Variants in ZNF385A observed in about 807,000 individuals in gnomAD.
The protein encoded by ZNF385A is hematopoietic zinc finger protein.
Under a neutral mutation model 32.1 loss-of-function variants are expected in ZNF385A, and 14 were observed. The ratio of observed to expected loss-of-function variants is 0.44; its 90% confidence interval spans 0.29 to 0.68. The LOEUF is 0.68. Among genes scored for constraint, ZNF385A ranks in the 30% least tolerant of loss-of-function variants. The probability of loss-of-function intolerance (pLI) is 0.14; values close to 1 mark genes in which losing one functional copy is unlikely to be tolerated. For synonymous variants in ZNF385A, 197 were observed against 202.7 expected, an observed-to-expected ratio of 0.97 and a Z score of 0.24; for missense variants, 406 against 478.4, an observed-to-expected ratio of 0.85 and a Z score of 1.41.
chr12:54,371,201 T>G (rs1954531949), intron 4 of ZNF385A, 105 bp from the exon 5 acceptor site: 3 of 1,298,310 alleles, frequency 2.3e-6, no homozygotes, highest in African/African-American at 1.8e-5. Flanking sequence ...GGGAAGAGGG[T>G]GGGCACAGTG....
At chr12:54,371,922 T>C (rs1209660250) in intron 3 of ZNF385A, among the ~76,000 whole-genome samples, 1 of 152,210 alleles carries the variant, frequency 6.6e-6, no homozygotes, top group African/African-American at 2.4e-5. Flanking sequence ...CTTGGCTCAT[T>C]CTCCATTAGC....
At chr12:54,382,144 T>C (rs769441310) in intron 1 of ZNF385A, among the ~76,000 whole-genome samples, 4 of 151,692 alleles carry the variant, frequency 2.6e-5, no homozygotes, top group Non-Finnish European at 5.9e-5. Flanking sequence ...CTCGGCTCAC[T>C]GCAACCTCTG....
Position 54,378,301 on chromosome 12 carries a change from G to A in ZNF385A, c.88-2347C>T, listed in dbSNP as rs556524702. Among the ~76,000 whole-genome samples, 6 of 152,294 alleles carry A rather than the reference G, an allele frequency of 3.9e-5. No individual in the cohort carries two copies. In the South Asian group the frequency reaches 1.2e-3, roughly 32 times the overall value. ...GGTGACCTAGATGAGGGCTCCCTGG[G>A]GAGGGGTGAAAGCCAGCACCTCCCA... On this transcript the variant is annotated intron_variant, in intron 1 of 6. Transcript: ENST00000394313.
At chr12:54,378,452 C>T (rs764404387) in intron 1 of ZNF385A, among the ~76,000 whole-genome samples, 2 of 152,102 alleles carry the variant, frequency 1.3e-5, no homozygotes, top group Non-Finnish European at 2.9e-5. Flanking sequence ...CGCTCCCTGA[C>T]GCTGGGGCAA....
rs1954438521 is a variant in ZNF385A at position 54,370,135 on chromosome 12, GGT to G, written c.*119_*120del. ...CCTTTCCTGGAACCCCGTATCTCGG[GGT>G]GGGGGGGGGGAAGGAGAGATCATTT... On this transcript the variant is annotated 3_prime_UTR_variant, in exon 7 of 7. Coordinates refer to ENST00000394313, the MANE Select transcript of ZNF385A (RefSeq NM_015481.3). The surrounding 1 kb of genome is among the most constrained non-coding windows in gnomAD (Gnocchi z 5.5). The G allele has an allele frequency of 1.0e-5, 8 of 777,660 alleles. No individual in the cohort carries two copies. The highest frequency in any genetic ancestry group is 1.1e-5 in the Non-Finnish European group (6 of 546,638). The allele number at this position is 777,660 out of a possible 1,614,324, so 48.2% of individuals were successfully genotyped here. A position where few individuals can be genotyped will look rare whatever the true frequency, so the allele number is the denominator to read the frequency against.
At chr12:54,389,972 G>C (rs1592277347) in intron 1 of ZNF385A, among the ~76,000 whole-genome samples, 2 of 152,198 alleles carry the variant, frequency 1.3e-5, no homozygotes, top group South Asian at 4.1e-4. Context: ...GAGGAGGAGA[G>C]AAAAAGAGAT....
chr12:54,386,292 C>T (rs75848634), upstream of ZNF385A, among the ~76,000 whole-genome samples: 2,691 of 151,852 alleles, frequency 0.018, 92 homozygotes, highest in African/African-American at 0.06. Context: ...CGGACAGTGA[C>T]ACTGAGAGAG....
chr12:54,391,290 G>A, exon 1 of ZNF385A: 2 of 1,339,884 alleles, frequency 1.5e-6, no homozygotes, highest in Non-Finnish European at 1.9e-6. Flanking sequence ...CTGTCCCGGG[G>A]GCCGTTCTGG....
rs1954395204 is a variant in ZNF385A, at chr12:54,369,313, G to C, written c.*943C>G. On this transcript the variant is annotated 3_prime_UTR_variant, in exon 7 of 7. Coordinates refer to ENST00000394313, the MANE Select transcript of ZNF385A (RefSeq NM_015481.3). ...AAGGGTTGACGATACGGAAACCACG[G>C]AGTCGGGGGTGGGGGAGAGGTGTCA... 6.6e-6 allele frequency: 1 copy of C among 152,434 alleles called. No homozygotes were observed. The highest frequency in any genetic ancestry group is 2.4e-5 in the African/African-American group (1 of 41,470). The allele number at this position is 152,434 out of a possible 1,614,324, so 9.4% of individuals were successfully genotyped here.
chr12:54,378,255 AG>A (rs1426946522), intron 1 of ZNF385A, among the ~76,000 whole-genome samples: 1 of 152,192 alleles, frequency 6.6e-6, no homozygotes, highest in African/African-American at 2.4e-5. Context: ...GTGCTGCTCC[AG>A]GCCAAGGTCA....
chr12:54,383,219 G>A (rs1254706530), intron 1 of ZNF385A, among the ~76,000 whole-genome samples: 1 of 152,116 alleles, frequency 6.6e-6, no homozygotes, highest in Non-Finnish European at 1.5e-5. Context: ...AGCACCACAT[G>A]CTAAAGCATC....
At chr12:54,371,237 G>A in intron 4 of ZNF385A, 141 bp from the exon 5 acceptor site, 1 of 1,134,832 alleles carries the variant, frequency 8.8e-7, no homozygotes, top group East Asian at 2.4e-5. Flanking sequence ...TAAGCTCCTT[G>A]GGACCCTCCC....
At chr12:54,383,349 C>G (rs564693561) in intron 1 of ZNF385A, among the ~76,000 whole-genome samples, 30 of 152,210 alleles carry the variant, frequency 2.0e-4, no homozygotes, top group Non-Finnish European at 4.0e-4. Flanking sequence ...TCTTCTCCCC[C>G]ACCCCCAAAC....
intron 1 of ZNF385A, among the ~76,000 whole-genome samples, chr12:54,377,089 A>G (rs926889755): frequency 1.3e-5 from 2 of 152,256 alleles, no homozygotes; most frequent in African/African-American, 2.4e-5. Flanking sequence ...CCAATGAGAC[A>G]CTGGTGAGAG....
At chr12:54,389,540 C>G (rs1955582106), upstream of ZNF385A, among the ~76,000 whole-genome samples, 1 of 152,182 alleles carries the variant, frequency 6.6e-6, no homozygotes, top group Non-Finnish European at 1.5e-5. Context: ...AAAATGTGGA[C>G]CCAGGAATTA....
chr12:54,388,447 A>G (rs1955550878), upstream of ZNF385A, among the ~76,000 whole-genome samples: 1 of 152,026 alleles, frequency 6.6e-6, no homozygotes, highest in Non-Finnish European at 1.5e-5. Flanking sequence ...CCCTTTGGCT[A>G]TTTTAGGTGG....
At chr12:54,375,068 G>A (rs1282942184) in intron 2 of ZNF385A, among the ~76,000 whole-genome samples, 1 of 31,572 alleles carries the variant, frequency 3.2e-5, no homozygotes, top group African/African-American at 5.7e-5. Context: ...GTAGTATGGA[G>A]TGTGTGTGTG....
At chr12:54,372,393 T>C (rs1954600637) in intron 3 of ZNF385A, among the ~76,000 whole-genome samples, 1 of 152,140 alleles carries the variant, frequency 6.6e-6, no homozygotes. Flanking sequence ...GGGGAGCTTG[T>C]GGGAGGGGAA....
At chr12:54,387,907 G>A (rs1955535970), upstream of ZNF385A, among the ~76,000 whole-genome samples, 1 of 152,050 alleles carries the variant, frequency 6.6e-6, no homozygotes, top group Admixed American at 6.5e-5. Flanking sequence ...TGGAAGGGGA[G>A]GAGGGGAAAA....
Sources: allele counts gnomAD v4.1 joint callset (sites outside exome capture counted in the v4.1 genomes callset), GRCh38; gene constraint gnomAD v4.1.1; non-coding constraint Gnocchi (gnomAD v3.1); transcripts MANE v1.5; gene names NCBI Gene and HGNC (gene_info 2026-07-23, HGNC 2026-07-21).